The following IARS1 variants were observed in gnomAD, a reference collection of about 807,000 sequenced individuals.
IARS1 encodes isoleucine--tRNA ligase, cytoplasmic.
Under a neutral mutation model 168.2 loss-of-function variants are expected in IARS1, and 124 were observed. The observed-to-expected ratio is 0.74, with a 90% CI of 0.64 to 0.86. The LOEUF (loss-of-function observed/expected upper bound fraction) is 0.86. Among genes scored for constraint, IARS1 ranks in the 40% least tolerant of loss-of-function variants. The pLI is 0.00. For missense variants in IARS1, 1,452 were observed against 1,515.8 expected (o/e 0.96, Z 0.70); for synonymous variants, 532 against 529.4 (o/e 1.00, Z -0.07).
At chr9:92,286,101 C>T (rs527731934) in intron 5 of IARS1, 12 of 373,316 alleles carry the variant, frequency 3.2e-5, no homozygotes, top group Admixed American at 2.0e-4. Flanking sequence ...GGCGCAGTGG[C>T]TCACGTCTGT....
rs753939567 is a variant in IARS1 at position 92,271,634 on chromosome 9, C to T, written c.1012G>A (p.Asp338Asn). ...FGAEDYRVCM[D>N]FNIIRKDSLP... is the part of the protein sequence containing the mutation. Reference sequence around the variant, plus strand: ...GAGTCTTTCCGAATAATGTTAAAGTCCATACAGACCCGATAGTCCTCCTGA... The same window carrying T: ...GAGTCTTTCCGAATAATGTTAAAGTTCATACAGACCCGATAGTCCTCCTGA... The change falls in exon 11 of 34, where the codon GAC (aspartate) becomes AAC (asparagine). Residue 338 changes from aspartate (D) to asparagine (N), a missense_variant. Physicochemically the swap from Asp to Asn is conservative, Grantham distance 23. Coordinates refer to ENST00000443024, the MANE Select transcript of IARS1 (RefSeq NM_002161.6). The T allele has an allele frequency of 1.9e-6, 3 of 1,614,018 alleles. No homozygotes were observed. Among genetic ancestry groups the T allele is most frequent in the Non-Finnish European group, 2.5e-6 (3 of 1,179,946 alleles).
Position 92,268,276 on chromosome 9 carries a change from T to C in IARS1, c.1329A>G (p.Lys443=). The C allele has an allele frequency of 6.2e-7, 1 of 1,611,046 alleles. No homozygotes were observed. The highest frequency in any genetic ancestry group is 8.5e-7 in the Non-Finnish European group (1 of 1,179,250). ...CYWVPELVRE[K]RFGNWLKDAR... is the part of the protein sequence containing the mutation. ...CATCTTTCAGCCAATTTCCAAATCGTTTTTCTCGTACCAACTCTGGGACCC... is the reference window on the plus strand; with the variant it reads ...CATCTTTCAGCCAATTTCCAAATCGCTTTTCTCGTACCAACTCTGGGACCC... The change falls in exon 14 of 34, where the codon AAA becomes AAG. Residue 443 remains lysine (K), a synonymous_variant. Coordinates refer to ENST00000443024, the MANE Select transcript of IARS1 (RefSeq NM_002161.6).
intron 33 of IARS1, among the ~76,000 whole-genome samples, chr9:92,214,256 A>C (rs1444958750): frequency 6.6e-6 from 1 of 151,862 alleles, no homozygotes; most frequent in Admixed American, 6.6e-5. Flanking sequence ...GAAAGACGGA[A>C]ACTCAAAGAA....
At chr9:92,252,498 G>T (rs1056085370) in intron 21 of IARS1, 51 of 454,858 alleles carry the variant, frequency 1.1e-4, no homozygotes, top group African/African-American at 3.6e-4. Flanking sequence ...CAGGCACGGT[G>T]GTTCACACCT....
intron 25 of IARS1, 116 bp from the exon 26 acceptor site, chr9:92,247,667 T>G: frequency 1.2e-6 from 1 of 837,660 alleles, no homozygotes; most frequent in Non-Finnish European, 1.9e-6. Context: ...ACACTTCAAG[T>G]GTCCATCAAC....
intron 25 of IARS1, among the ~76,000 whole-genome samples, chr9:92,248,448 G>A (rs367936636): frequency 1.4e-4 from 22 of 151,898 alleles, no homozygotes; most frequent in African/African-American, 5.1e-4. Flanking sequence ...CGAGGTGGGA[G>A]GATCACTTGA....
At chr9:92,244,354 GTGCTGC>G (rs1321460365) in intron 27 of IARS1, among the ~76,000 whole-genome samples, 1 of 152,068 alleles carries the variant, frequency 6.6e-6, no homozygotes, top group African/African-American at 2.4e-5. Flanking sequence ...TTTCATGGAG[GTGCTGC>G]TCTACCTTCC....
At chr9:92,241,395 G>C (rs978589476) in intron 29 of IARS1, among the ~76,000 whole-genome samples, 1 of 151,994 alleles carries the variant, frequency 6.6e-6, no homozygotes, top group Admixed American at 6.5e-5. Context: ...GCCCAGGATC[G>C]AGTGCAGTGA....
chr9:92,239,318 G>A (rs1828011306), intron 30 of IARS1, among the ~76,000 whole-genome samples: 1 of 152,094 alleles, frequency 6.6e-6, no homozygotes, highest in South Asian at 2.1e-4. Flanking sequence ...TGATTGATAT[G>A]GAATTCTTGG....
chr9:92,234,403 G>A (rs1223694578), intron 30 of IARS1, among the ~76,000 whole-genome samples: 2 of 152,154 alleles, frequency 1.3e-5, no homozygotes, highest in Admixed American at 6.5e-5. Flanking sequence ...TAAGGCAGAC[G>A]ACCAAGCTGT....
At chr9:92,254,833 T>C (rs754232184) in intron 20 of IARS1, among the ~76,000 whole-genome samples, 1 of 152,090 alleles carries the variant, frequency 6.6e-6, no homozygotes, top group Non-Finnish European at 1.5e-5. Context: ...GACATGAAGC[T>C]GACAGGCCGG....
intron 30 of IARS1, among the ~76,000 whole-genome samples, chr9:92,230,373 A>G (rs1203746590): frequency 7.2e-5 from 11 of 152,156 alleles, no homozygotes; most frequent in African/African-American, 2.4e-4. Context: ...TCGGCTTCCC[A>G]AAGTGCTGGG....
intron 30 of IARS1, among the ~76,000 whole-genome samples, chr9:92,235,885 T>C (rs1827440792): frequency 6.6e-6 from 1 of 152,182 alleles, no homozygotes; most frequent in Non-Finnish European, 1.5e-5. Flanking sequence ...CACTTGGTGA[T>C]GGTGCATAAT....
intron 10 of IARS1, among the ~76,000 whole-genome samples, 160 bp downstream of exon 10, chr9:92,274,266 A>G (rs1164613904): frequency 2.0e-5 from 3 of 152,186 alleles, no homozygotes; most frequent in Middle Eastern, 3.2e-3. Context: ...GCTTAGGATG[A>G]AAGGGAATTG....
intron 9 of IARS1, 76 bp downstream of exon 9, chr9:92,277,772 AAAAGTAATGTCAATT>A (rs1169511193): frequency 9.6e-7 from 1 of 1,042,976 alleles, no homozygotes; most frequent in Non-Finnish European, 1.4e-6. Context: ...GTACACTCAT[AAAAGTAATGTCAATT>A]CCACTTCTCA....
intron 27 of IARS1, among the ~76,000 whole-genome samples, chr9:92,244,144 T>G (rs1009777807): frequency 1.3e-5 from 2 of 151,824 alleles, no homozygotes; most frequent in African/African-American, 4.8e-5. Flanking sequence ...CATGACACTT[T>G]TGTAAGGTGG....
chr9:92,245,737 C>T (rs1564168722), intron 26 of IARS1, among the ~76,000 whole-genome samples: 1 of 151,026 alleles, frequency 6.6e-6, no homozygotes, highest in Non-Finnish European at 1.5e-5. Context: ...AGAAACTAGG[C>T]TTTCAATTTC....
intron 27 of IARS1, 175 bp from the exon 28 acceptor site, chr9:92,243,486 C>CAGCT: frequency 1.9e-6 from 1 of 515,828 alleles, no homozygotes; most frequent in East Asian, 3.4e-5. Context: ...TCTTCATAAT[C>CAGCT]AGCTAGTCCT....
At chr9:92,217,275 T>G (rs1838873543) in intron 33 of IARS1, among the ~76,000 whole-genome samples, 1 of 150,080 alleles carries the variant, frequency 6.7e-6, no homozygotes. Context: ...TTCAAAGCAG[T>G]GTGTAGAGGG....
Sources: gnomAD v4.1 joint callset for allele counts (sites outside exome capture counted in the v4.1 genomes callset) on GRCh38, gnomAD v4.1.1 for gene constraint, MANE v1.5 for transcripts, NCBI Gene and HGNC (gene_info 2026-07-23, HGNC 2026-07-21) for gene names.